The following TMEFF2 variants were observed in gnomAD, a reference collection of about 807,000 sequenced individuals.
TMEFF2 encodes the protein tomoregulin-2.
Under a neutral mutation model 53.8 loss-of-function variants are expected in TMEFF2, and 28 were observed. The ratio of observed to expected loss-of-function variants is 0.52; its 90% CI spans 0.39 to 0.71. TMEFF2 has a LOEUF of 0.71. Among genes scored for constraint, TMEFF2 ranks in the 30% least tolerant of loss-of-function variants. TMEFF2 has a pLI of 0.00. For synonymous variants in TMEFF2, 162 were observed against 166.3 expected, an observed-to-expected ratio of 0.97 and a Z score of 0.20; for missense variants, 353 against 455.2, an observed-to-expected ratio of 0.78 and a Z score of 2.04.
chr2:192,006,293 G>A (rs1483737013), intron 5 of TMEFF2, among the ~76,000 whole-genome samples: 1 of 152,044 alleles, frequency 6.6e-6, no homozygotes. Flanking sequence ...GGGAATACTG[G>A]TCCTCACTGA....
chr2:191,997,144 G>A (rs955808840), intron 7 of TMEFF2, among the ~76,000 whole-genome samples: 3 of 151,774 alleles, frequency 2.0e-5, no homozygotes, highest in Non-Finnish European at 4.4e-5. Flanking sequence ...TCTCCTGGAC[G>A]CTTTGGGAAT....
chr2:191,985,354 A>G (rs1330862643), intron 7 of TMEFF2, among the ~76,000 whole-genome samples: 1 of 152,194 alleles, frequency 6.6e-6, no homozygotes, highest in Non-Finnish European at 1.5e-5. Flanking sequence ...AGGAACTAAC[A>G]AATCACATAT....
At chr2:192,163,904 T>C (rs1690691719) in intron 4 of TMEFF2, among the ~76,000 whole-genome samples, 1 of 152,156 alleles carries the variant, frequency 6.6e-6, no homozygotes, top group African/African-American at 2.4e-5. Flanking sequence ...CCAATAACAA[T>C]ATAGAAAGGA....
intron 4 of TMEFF2, among the ~76,000 whole-genome samples, chr2:192,087,710 T>C (rs574209954): frequency 6.6e-6 from 1 of 152,154 alleles, no homozygotes; most frequent in South Asian, 2.1e-4. Context: ...CTATGTTTAA[T>C]GTACAGTGGG....
intron 7 of TMEFF2, among the ~76,000 whole-genome samples, chr2:191,974,212 C>T (rs982491426): frequency 6.6e-6 from 1 of 152,048 alleles, no homozygotes; most frequent in African/African-American, 2.4e-5. Flanking sequence ...CTGGATAATT[C>T]CAGATCAGAA....
At chr2:192,040,403 C>T (rs1191030021) in intron 5 of TMEFF2, among the ~76,000 whole-genome samples, 2 of 152,124 alleles carry the variant, frequency 1.3e-5, no homozygotes, top group Non-Finnish European at 2.9e-5. Flanking sequence ...GTCATAGCTG[C>T]TTCAAATCCT....
At chr2:192,127,345 G>A (rs916768787) in intron 4 of TMEFF2, among the ~76,000 whole-genome samples, 5 of 152,176 alleles carry the variant, frequency 3.3e-5, no homozygotes, top group Admixed American at 2.6e-4. Context: ...CACAGGCCAC[G>A]TAATTCATTG....
chr2:192,171,060 T>C (rs1222916947), intron 4 of TMEFF2, among the ~76,000 whole-genome samples: 1 of 152,110 alleles, frequency 6.6e-6, no homozygotes, highest in Admixed American at 6.6e-5. Flanking sequence ...TCAATGCAAT[T>C]TGGCATGCAC....
intron 5 of TMEFF2, among the ~76,000 whole-genome samples, chr2:192,043,487 T>G (rs1454122832): frequency 1.3e-5 from 2 of 152,208 alleles, no homozygotes; most frequent in Non-Finnish European, 2.9e-5. Context: ...CACGGACTAA[T>G]GGACACTAGC....
chr2:192,083,736 C>T (rs1688606331), intron 4 of TMEFF2, among the ~76,000 whole-genome samples: 1 of 150,578 alleles, frequency 6.6e-6, no homozygotes, highest in Non-Finnish European at 1.5e-5. Flanking sequence ...TTCATCGTTT[C>T]TTAAAGGCCC....
chr2:192,122,577 C>T (rs1204655803), intron 4 of TMEFF2, among the ~76,000 whole-genome samples: 13 of 152,126 alleles, frequency 8.5e-5, no homozygotes, highest in Admixed American at 2.6e-4. Flanking sequence ...TATACGGCTT[C>T]GGTACTGATC....
intron 4 of TMEFF2, among the ~76,000 whole-genome samples, chr2:192,129,913 C>T (rs950164867): frequency 2.6e-5 from 4 of 152,166 alleles, no homozygotes; most frequent in African/African-American, 4.8e-5. Flanking sequence ...TTAACAAAGA[C>T]GAATATTGAA....
chr2:192,183,597 T>C lies in TMEFF2; in HGVS notation c.412+757A>G, dbSNP rs182106453. 1.2e-3 allele frequency among the ~76,000 whole-genome samples: 190 copies of C among 152,218 alleles called. 1 individual carries two copies. Among genetic ancestry groups the C allele is most frequent in the African/African-American group, 4.2e-3 (173 of 41,552 alleles). The stretch of plus-strand genomic sequence containing the variant: ...ACAACTATTATGGCACCTTACAGCC[T>C]CTACAATATATGTGATTTTGATATC... On this transcript the variant is annotated intron_variant, in intron 3 of 9. Coordinates refer to ENST00000272771, the MANE Select transcript of TMEFF2 (RefSeq NM_016192.4).
rs192324066 is a variant in TMEFF2, at chr2:191,989,360, T to C, written c.745+8902A>G. 3.0e-4 allele frequency among the ~76,000 whole-genome samples: 46 copies of C among 152,246 alleles called. 1 individual carries two copies. The highest frequency in any genetic ancestry group is 9.9e-4 in the African/African-American group (41 of 41,540). On this transcript the variant is annotated intron_variant, in intron 7 of 9. Transcript: ENST00000272771. ...AGAATGTTAGAGCAAGTTATGACAGTTGGGGAGGAGGTCCTAGCCAAGGAC... is the reference window on the plus strand; with the variant it reads ...AGAATGTTAGAGCAAGTTATGACAGCTGGGGAGGAGGTCCTAGCCAAGGAC...
At chr2:192,147,484 C>G (rs1690281795) in intron 4 of TMEFF2, among the ~76,000 whole-genome samples, 1 of 151,822 alleles carries the variant, frequency 6.6e-6, no homozygotes, top group South Asian at 2.1e-4. Flanking sequence ...TCCCCACTCC[C>G]CCCACCCCAC....
intron 4 of TMEFF2, among the ~76,000 whole-genome samples, chr2:192,174,989 T>C (rs1691003849): frequency 1.3e-5 from 2 of 151,772 alleles, no homozygotes; most frequent in South Asian, 4.1e-4. Context: ...CCTTGTTATT[T>C]ACAGTATATT....
chr2:192,009,749 TAGG>T (rs1409911342), intron 5 of TMEFF2, among the ~76,000 whole-genome samples: 2 of 152,168 alleles, frequency 1.3e-5, no homozygotes, highest in African/African-American at 4.8e-5. Flanking sequence ...ATGATTAAGG[TAGG>T]AGAACACCTT....
chr2:191,976,100 C>CAATA (rs1312131352), intron 7 of TMEFF2, among the ~76,000 whole-genome samples: 1 of 152,060 alleles, frequency 6.6e-6, no homozygotes, highest in East Asian at 1.9e-4. Flanking sequence ...TGAATTTTTG[C>CAATA]AATACTGAAA....
At chr2:191,963,694 A>G (rs1209682739) in intron 7 of TMEFF2, among the ~76,000 whole-genome samples, 1 of 152,222 alleles carries the variant, frequency 6.6e-6, no homozygotes, top group African/African-American at 2.4e-5. Flanking sequence ...TTGAGTAGCT[A>G]TTATGTGTCT....
Sources: allele counts gnomAD v4.1 joint callset (sites outside exome capture counted in the v4.1 genomes callset), GRCh38; gene constraint gnomAD v4.1.1; transcripts MANE v1.5; gene names NCBI Gene and HGNC (gene_info 2026-07-23, HGNC 2026-07-21).